Variants in ST18 observed in about 807,000 individuals in gnomAD.
The protein encoded by ST18 is ST18 C2H2C-type zinc finger transcription factor.
Under a neutral mutation model 110.0 loss-of-function variants are expected in ST18, and 50 were observed. The observed-to-expected ratio is 0.45, with a 90% CI of 0.36 to 0.58. ST18 has a LOEUF of 0.58. ST18 is among the 20% of genes least tolerant of loss of function. ST18 has a pLI of 0.00. For missense variants in ST18, 1,306 were observed against 1,280.1 expected (o/e 1.02, Z -0.31); for synonymous variants, 461 against 452.4 (o/e 1.02, Z -0.24).
At chr8:52,320,312 G>A (rs936849616) in intron 2 of ST18, among the ~76,000 whole-genome samples, 2 of 152,090 alleles carry the variant, frequency 1.3e-5, no homozygotes, top group African/African-American at 4.8e-5. Flanking sequence ...TAGCCTCTGT[G>A]GAGGAAACCC....
intron 2 of ST18, among the ~76,000 whole-genome samples, chr8:52,401,136 A>G (rs528442655): frequency 6.6e-6 from 1 of 152,202 alleles, no homozygotes; most frequent in East Asian, 1.9e-4. Context: ...AGCACTTTTA[A>G]GTATATTTCT....
chr8:52,203,773 G>A (rs2078910516), intron 8 of ST18, among the ~76,000 whole-genome samples: 1 of 152,174 alleles, frequency 6.6e-6, no homozygotes, highest in African/African-American at 2.4e-5. Context: ...GCTGAAGAGT[G>A]CATCAGGGTG....
chr8:52,191,434 A>G (rs879178891), intron 8 of ST18, among the ~76,000 whole-genome samples: 1 of 152,162 alleles, frequency 6.6e-6, no homozygotes, highest in South Asian at 2.1e-4. Flanking sequence ...CATGAGATGG[A>G]AGGTCCAAAA....
intron 2 of ST18, among the ~76,000 whole-genome samples, chr8:52,334,873 C>A (rs1193134484): frequency 1.3e-5 from 2 of 152,172 alleles, no homozygotes. Context: ...TTCCCGCATG[C>A]CGACCTGCAG....
At chr8:52,396,252 G>A (rs1008400758) in intron 2 of ST18, among the ~76,000 whole-genome samples, 5 of 151,972 alleles carry the variant, frequency 3.3e-5, no homozygotes, top group African/African-American at 1.2e-4. Flanking sequence ...TTCTACATAT[G>A]ACTACTTTAT....
intron 14 of ST18, among the ~76,000 whole-genome samples, chr8:52,161,101 A>G (rs956074969): frequency 2.6e-5 from 4 of 152,252 alleles, no homozygotes; most frequent in Admixed American, 1.3e-4. Context: ...TTTCTTTAGA[A>G]TTATTGTACT....
chr8:52,181,038 C>T (rs1424843956), intron 8 of ST18, among the ~76,000 whole-genome samples: 5 of 152,166 alleles, frequency 3.3e-5, no homozygotes, highest in Non-Finnish European at 5.9e-5. Flanking sequence ...CTGAGGGTGG[C>T]CCTTTCAAAA....
intron 2 of ST18, among the ~76,000 whole-genome samples, chr8:52,394,598 A>G (rs1192686624): frequency 6.6e-6 from 1 of 152,186 alleles, no homozygotes; most frequent in Admixed American, 6.5e-5. Context: ...TCTGTAAGAC[A>G]AGAAGATATT....
At chr8:52,171,705 C>G in intron 10 of ST18, 87 bp downstream of exon 10, 3 of 1,424,852 alleles carry the variant, frequency 2.1e-6, no homozygotes, top group Non-Finnish European at 2.9e-6. Flanking sequence ...TGTTAAAAAG[C>G]TACCTGAAAA....
At chr8:52,276,121 T>TGCAAGC (rs1564392668) in intron 2 of ST18, among the ~76,000 whole-genome samples, 33 of 8,754 alleles carry the variant, frequency 3.8e-3, no homozygotes, top group Non-Finnish European at 4.7e-3. Context: ...ACCGCACCTA[T>TGCAAGC]CACATACCAC....
At chr8:52,183,746 A>G (rs1385882300) in intron 8 of ST18, among the ~76,000 whole-genome samples, 1 of 152,246 alleles carries the variant, frequency 6.6e-6, no homozygotes, top group African/African-American at 2.4e-5. Flanking sequence ...TGGCTAATGC[A>G]GCATCGCAAG....
chr8:52,269,464 G>A (rs1029669564), intron 2 of ST18, among the ~76,000 whole-genome samples: 14 of 152,198 alleles, frequency 9.2e-5, no homozygotes, highest in African/African-American at 3.4e-4. Flanking sequence ...CACTGCTACA[G>A]ACATTCCTGA....
At chr8:52,361,197 G>A (rs868014690) in intron 2 of ST18, among the ~76,000 whole-genome samples, 2 of 152,092 alleles carry the variant, frequency 1.3e-5, no homozygotes, top group African/African-American at 2.4e-5. Flanking sequence ...ATATAGAATC[G>A]ATTAGCTTTG....
intron 2 of ST18, among the ~76,000 whole-genome samples, chr8:52,354,229 A>C (rs1025660268): frequency 6.6e-6 from 1 of 152,244 alleles, no homozygotes; most frequent in Non-Finnish European, 1.5e-5. Flanking sequence ...ATCTAACTTT[A>C]GTTTTACAAG....
intron 2 of ST18, among the ~76,000 whole-genome samples, chr8:52,349,008 C>G (rs1414282543): frequency 6.6e-6 from 1 of 152,138 alleles, no homozygotes; most frequent in Non-Finnish European, 1.5e-5. Context: ...ATGCCCAACC[C>G]CCACGCCCCA....
chr8:52,320,813 C>T (rs1224818795), intron 2 of ST18, among the ~76,000 whole-genome samples: 4 of 152,144 alleles, frequency 2.6e-5, no homozygotes, highest in Non-Finnish European at 5.9e-5. Context: ...ATGACCCAAC[C>T]ATTCACCCAC....
intron 2 of ST18, among the ~76,000 whole-genome samples, chr8:52,396,395 A>G (rs145203690): frequency 0.013 from 2,010 of 152,208 alleles, 36 homozygotes; most frequent in African/African-American, 0.043. Context: ...GGCTTACTTC[A>G]CTTAGCATAA....
At chr8:52,115,780 C>T (rs1434187588) in intron 25 of ST18, among the ~76,000 whole-genome samples, 1 of 152,006 alleles carries the variant, frequency 6.6e-6, no homozygotes, top group African/African-American at 2.4e-5. Context: ...ATGAGGATTC[C>T]TTGTTCATTT....
At position 52,132,000 on chromosome 8, in the gene ST18, T is replaced by C. The variant is rs151069792; in HGVS notation, c.2624A>G (p.Asn875Ser). 3.5e-5 allele frequency: 57 copies of C among 1,614,088 alleles called. No individual in the cohort carries two copies. The highest frequency in any genetic ancestry group is 4.3e-5 in the Non-Finnish European group (51 of 1,180,020). The change falls in exon 22 of 26, where the codon AAT (asparagine) becomes AGT (serine). Residue 875 changes from asparagine to serine, a missense_variant. By Grantham distance (46) the Asn-to-Ser change is conservative (BLOSUM62 1). Transcript: ENST00000689386. Reference protein sequence around the residue: ...ELPHCPLPGCNGLGHVNNVFV... With the variant: ...ELPHCPLPGCSGLGHVNNVFV... ...AACATTATTTACATGGCCCAGCCCA[T>C]TGCAGCCTGGCAAGGGACAATGTGG... is the stretch of plus-strand genomic sequence containing the variant.
Sources: allele counts gnomAD v4.1 joint callset (sites outside exome capture counted in the v4.1 genomes callset), GRCh38; gene constraint gnomAD v4.1.1; transcripts MANE v1.5; gene names NCBI Gene and HGNC (gene_info 2026-07-23, HGNC 2026-07-21).